The following CELF4 variants were observed in gnomAD, a reference collection of about 807,000 sequenced individuals.
CELF4 encodes the protein CUGBP Elav-like family member 4.
Under a neutral mutation model 59.9 loss-of-function variants are expected in CELF4, and 18 were observed. That is an observed-to-expected ratio of 0.30 (90% confidence interval 0.21 to 0.45). The LOEUF (loss-of-function observed/expected upper bound fraction) is 0.45, where lower values mean the gene tolerates loss of function less well. CELF4 is among the 20% of genes least tolerant of loss of function. CELF4 has a pLI of 1.00. For synonymous variants in CELF4, 261 were observed against 267.1 expected, an observed-to-expected ratio of 0.98 and a Z score of 0.22; for missense variants, 456 against 689.0, an observed-to-expected ratio of 0.66 and a Z score of 3.79.
rs1319963370 is a variant in CELF4 at position 37,244,821 on chromosome 18, C to A, written c.*421G>T. On this transcript the variant is annotated 3_prime_UTR_variant, in exon 13 of 13. Coordinates refer to ENST00000420428, the MANE Select transcript of CELF4 (RefSeq NM_020180.4). Reference sequence around the variant, plus strand: ...GGGACCAGGCCCCACGCACCACTTGCCCCAGCCTGCGTCAGGCGCCCGTGG... The same window carrying A: ...GGGACCAGGCCCCACGCACCACTTGACCCAGCCTGCGTCAGGCGCCCGTGG... 6.6e-6 allele frequency: 1 copy of A among 152,634 alleles called. No homozygotes were observed. The highest frequency in any genetic ancestry group is 1.5e-5 in the Non-Finnish European group (1 of 68,048). The allele number at this position is 152,634 out of a possible 1,614,324, so 9.5% of individuals were successfully genotyped here. A position where few individuals can be genotyped will look rare whatever the true frequency, so the allele number is the denominator to read the frequency against.
intron 1 of CELF4, among the ~76,000 whole-genome samples, chr18:37,511,412 C>T (rs2099944184): frequency 6.6e-6 from 1 of 152,128 alleles, no homozygotes; most frequent in African/African-American, 2.4e-5. Flanking sequence ...CCCCAAAGTC[C>T]TTGGCATTCC....
intron 3 of CELF4, among the ~76,000 whole-genome samples, chr18:37,277,415 G>T (rs76798835): frequency 7.9e-5 from 12 of 152,174 alleles, no homozygotes; most frequent in Admixed American, 7.9e-4. Context: ...AGGGTTCTGC[G>T]TGCAGCCCTC....
At chr18:37,289,227 T>G (rs1269344129) in intron 3 of CELF4, among the ~76,000 whole-genome samples, 1 of 152,016 alleles carries the variant, frequency 6.6e-6, no homozygotes, top group Non-Finnish European at 1.5e-5. Flanking sequence ...CAGGAAGAGT[T>G]TGCCATGCTG....
At chr18:37,414,319 C>T (rs1043492948) in intron 2 of CELF4, among the ~76,000 whole-genome samples, 12 of 151,690 alleles carry the variant, frequency 7.9e-5, no homozygotes, top group African/African-American at 2.7e-4. Flanking sequence ...CCCACCTACC[C>T]ATTCATTCTT....
chr18:37,500,734 C>G (rs571699922), intron 1 of CELF4, among the ~76,000 whole-genome samples: 198 of 152,156 alleles, frequency 1.3e-3, no homozygotes, highest in African/African-American at 4.6e-3. Flanking sequence ...CGGGGTTTCA[C>G]TGTGTTAGCC....
chr18:37,540,575 G>C (rs1041112713), intron 1 of CELF4, among the ~76,000 whole-genome samples: 5 of 152,186 alleles, frequency 3.3e-5, no homozygotes, highest in African/African-American at 1.2e-4. Flanking sequence ...GGGTGGGAAG[G>C]CTCCAGACGC....
intron 1 of CELF4, among the ~76,000 whole-genome samples, chr18:37,500,792 C>T (rs967184758): frequency 3.3e-5 from 5 of 152,108 alleles, no homozygotes. Context: ...CCTCGGTCTC[C>T]CAAAGTGCTG....
At chr18:37,329,350 G>T (rs1044441419) in intron 2 of CELF4, among the ~76,000 whole-genome samples, 8 of 152,220 alleles carry the variant, frequency 5.3e-5, no homozygotes, top group Admixed American at 6.5e-5. Context: ...ATTGGCCATG[G>T]ACTGATGTGT....
intron 1 of CELF4, among the ~76,000 whole-genome samples, chr18:37,561,102 T>C (rs941082880): frequency 6.6e-6 from 1 of 152,196 alleles, no homozygotes; most frequent in Non-Finnish European, 1.5e-5. Context: ...GAAGATTCTA[T>C]TGCTCTGTCC....
At chr18:37,558,445 A>T (rs1347366045) in intron 1 of CELF4, among the ~76,000 whole-genome samples, 4 of 146,500 alleles carry the variant, frequency 2.7e-5, no homozygotes, top group African/African-American at 1.0e-4. Context: ...GCCGAATGGA[A>T]CACTTATCTC....
chr18:37,329,327 G>T (rs539543188), intron 2 of CELF4, among the ~76,000 whole-genome samples: 1 of 152,194 alleles, frequency 6.6e-6, no homozygotes, highest in African/African-American at 2.4e-5. Flanking sequence ...GAGGACTGCC[G>T]GGGTCCCTTC....
At chr18:37,516,472 C>A (rs2099950752) in intron 1 of CELF4, among the ~76,000 whole-genome samples, 1 of 152,208 alleles carries the variant, frequency 6.6e-6, no homozygotes, top group Non-Finnish European at 1.5e-5. Flanking sequence ...ACAGAGCCCT[C>A]GCCCCGGCCA....
rs1171482424 is a variant in CELF4, at chr18:37,245,616, G to A, written c.*45-419C>T. On this transcript the variant is annotated intron_variant, in intron 12 of 12. Coordinates refer to ENST00000420428, the MANE Select transcript of CELF4 (RefSeq NM_020180.4). The surrounding 1 kb of genome is among the most constrained non-coding windows in gnomAD (Gnocchi z 4.1). ...TAGCAAACAAGATAGGAAAAATCTA[G>A]CAGCCCAGCCCACTCCTCCCAGCTC... 2.0e-5 allele frequency among the ~76,000 whole-genome samples: 3 copies of A among 152,006 alleles called. No homozygotes were observed. In the East Asian group the frequency reaches 5.8e-4, roughly 29 times the overall value.
At chr18:37,269,384 C>A (rs946483174) in intron 8 of CELF4, among the ~76,000 whole-genome samples, 2 of 152,202 alleles carry the variant, frequency 1.3e-5, no homozygotes, top group Non-Finnish European at 2.9e-5. Context: ...AGTACAGTGA[C>A]CTTGCACTCT....
chr18:37,533,080 C>T (rs1317881926), intron 1 of CELF4, among the ~76,000 whole-genome samples: 1 of 152,254 alleles, frequency 6.6e-6, no homozygotes, highest in Non-Finnish European at 1.5e-5. Context: ...TTCCAGAACG[C>T]AGCCTTCCAG....
intron 1 of CELF4, among the ~76,000 whole-genome samples, chr18:37,497,510 G>A (rs762974043): frequency 6.6e-6 from 1 of 152,090 alleles, no homozygotes; most frequent in Non-Finnish European, 1.5e-5. Flanking sequence ...AAATTAGTTG[G>A]GCATGGTGGC....
intron 1 of CELF4, among the ~76,000 whole-genome samples, chr18:37,516,135 G>T (rs1441903015): frequency 6.6e-6 from 1 of 151,946 alleles, no homozygotes; most frequent in Non-Finnish European, 1.5e-5. Context: ...CTTTTTTCTG[G>T]CAAAAAATAT....
At chr18:37,392,682 G>C (rs1361709753) in intron 2 of CELF4, among the ~76,000 whole-genome samples, 3 of 152,186 alleles carry the variant, frequency 2.0e-5, no homozygotes, top group Non-Finnish European at 4.4e-5. Context: ...GGACCCAAAT[G>C]CTTAAAAAAG....
At chr18:37,467,489 C>T (rs557422741) in intron 2 of CELF4, among the ~76,000 whole-genome samples, 7 of 152,202 alleles carry the variant, frequency 4.6e-5, no homozygotes, top group Non-Finnish European at 7.4e-5. Flanking sequence ...TTGGGAAAGT[C>T]GGGCAGAGTC....
Sources: gnomAD v4.1 joint callset for allele counts (sites outside exome capture counted in the v4.1 genomes callset) on GRCh38, gnomAD v4.1.1 for gene constraint, Gnocchi (gnomAD v3.1) non-coding constraint, MANE v1.5 for transcripts, NCBI Gene and HGNC (gene_info 2026-07-23, HGNC 2026-07-21) for gene names.